The following CA10 variants were observed in gnomAD, a reference collection of about 807,000 sequenced individuals.
The protein encoded by CA10 is carbonic anhydrase 10 (inactive), also known as carbonic anhydrase-related protein 10.
CA10 carries 14 observed loss-of-function variants against 44.2 expected under a neutral mutation model. The observed-to-expected ratio is 0.32, with a 90% confidence interval of 0.21 to 0.50. The LOEUF (loss-of-function observed/expected upper bound fraction) is 0.50, where lower values mean the gene tolerates loss of function less well. CA10 is among the 20% of genes least tolerant of loss of function. CA10 has a pLI of 0.99. For missense variants in CA10, 350 were observed against 409.7 expected (o/e 0.85, Z 1.26); for synonymous variants, 159 against 141.6 (o/e 1.12, Z -0.87).
At chr17:52,003,992 G>A (rs1295564346) in intron 2 of CA10, among the ~76,000 whole-genome samples, 1 of 151,026 alleles carries the variant, frequency 6.6e-6, no homozygotes, top group Non-Finnish European at 1.5e-5. Flanking sequence ...TCTCTTATGA[G>A]GACAACCACC....
chr17:52,112,391 C>T (rs779622089), intron 1 of CA10, among the ~76,000 whole-genome samples: 5 of 152,142 alleles, frequency 3.3e-5, no homozygotes, highest in Non-Finnish European at 7.3e-5. Context: ...ACAACACAGC[C>T]ATGCCCATTC....
intron 2 of CA10, among the ~76,000 whole-genome samples, chr17:52,070,138 G>T (rs1987640937): frequency 6.6e-6 from 1 of 152,104 alleles, no homozygotes; most frequent in African/African-American, 2.4e-5. Context: ...TTAGAAAGTG[G>T]AATCATCAGA....
intron 1 of CA10, among the ~76,000 whole-genome samples, chr17:52,125,617 C>T (rs111556984): frequency 9.9e-4 from 150 of 152,238 alleles, no homozygotes; most frequent in Non-Finnish European, 1.9e-3. Flanking sequence ...AATCATTCTT[C>T]GGTCTCTTGA....
intron 2 of CA10, among the ~76,000 whole-genome samples, chr17:52,048,237 T>C (rs991939806): frequency 3.3e-5 from 5 of 151,912 alleles, no homozygotes; most frequent in Admixed American, 3.3e-4. Context: ...AATAAATCAC[T>C]CCAAGATACA....
Position 51,715,422 on chromosome 17 carries a change from A to G in CA10, c.465+32211T>C, listed in dbSNP as rs949422358. Among the ~76,000 whole-genome samples the G allele has an allele frequency of 5.3e-5, 8 of 152,084 alleles. No homozygotes were observed. The South Asian group carries it at 1.7e-3, about 32-fold the overall frequency. On this transcript the variant is annotated intron_variant, in intron 4 of 8. Coordinates refer to ENST00000451037, the MANE Select transcript of CA10 (RefSeq NM_020178.5). ...GAGAAGCTTCCAAGTAATTAAAAAA[A>G]TTTTTCCTTTTTAAAAATTTTTGTG... is the stretch of plus-strand genomic sequence containing the variant.
intron 2 of CA10, among the ~76,000 whole-genome samples, chr17:51,967,166 A>T (rs912547104): frequency 2.0e-5 from 3 of 151,714 alleles, no homozygotes; most frequent in Admixed American, 2.0e-4. Flanking sequence ...CAGAATGGCT[A>T]CTATTAAAAA....
chr17:51,935,451 C>T (rs1189006349), intron 2 of CA10, among the ~76,000 whole-genome samples: 1 of 152,124 alleles, frequency 6.6e-6, no homozygotes, highest in African/African-American at 2.4e-5. Context: ...TGTTTGAATT[C>T]CATCATCCTT....
At chr17:51,808,222 G>T (rs566196538) in intron 3 of CA10, among the ~76,000 whole-genome samples, 2 of 152,136 alleles carry the variant, frequency 1.3e-5, no homozygotes, top group Non-Finnish European at 2.9e-5. Flanking sequence ...TTCTTAGAGA[G>T]TTTATAAATG....
In CA10 at chr17:51,719,164, T is replaced by C. The variant is rs190543864; in HGVS notation, c.465+28469A>G. Among the ~76,000 whole-genome samples the C allele has an allele frequency of 2.6e-5, 4 of 152,316 alleles. No individual in the cohort carries two copies. The East Asian group carries it at 7.7e-4, about 29-fold the overall frequency. ...AGTACTGGAAAAAGTCCAGGATAAA[T>C]GGGCTTTGAATAAAATAAATGCCAC... is the stretch of plus-strand genomic sequence containing the variant. On this transcript the variant is annotated intron_variant, in intron 4 of 8. Coordinates refer to ENST00000451037, the MANE Select transcript of CA10 (RefSeq NM_020178.5).
chr17:51,673,856 A>G (rs1914517225), intron 4 of CA10, among the ~76,000 whole-genome samples: 1 of 151,976 alleles, frequency 6.6e-6, no homozygotes, highest in Admixed American at 6.6e-5. Context: ...CAGCTTCACC[A>G]TTCACCTCCC....
intron 4 of CA10, among the ~76,000 whole-genome samples, chr17:51,715,819 A>G (rs888574545): frequency 1.3e-5 from 2 of 151,992 alleles, no homozygotes; most frequent in Non-Finnish European, 2.9e-5. Flanking sequence ...GCCTCTGAGT[A>G]GCTGGGATTA....
intron 4 of CA10, among the ~76,000 whole-genome samples, chr17:51,707,977 T>C (rs1013810075): frequency 6.6e-6 from 1 of 152,064 alleles, no homozygotes; most frequent in African/African-American, 2.4e-5. Flanking sequence ...ATGGAGACAC[T>C]TAAAGCAGGA....
In CA10 at chr17:52,148,924, G is replaced by GA. The variant is rs891760821; in HGVS notation, c.61+8801dup. The stretch of plus-strand genomic sequence containing the variant: ...AATTAACAAATACATTTAACACTGG[G>GA]AAAAAAATCTTCCATATATATTACT... On this transcript the variant is annotated intron_variant, in intron 1 of 8. Transcript: ENST00000451037. Among the ~76,000 whole-genome samples, 9 of 152,102 alleles carry GA rather than the reference G, an allele frequency of 5.9e-5. No homozygotes were observed. In the East Asian group the frequency reaches 9.7e-4, roughly 16 times the overall value.
chr17:52,147,018 T>C (rs1989603616), intron 1 of CA10, among the ~76,000 whole-genome samples: 1 of 152,198 alleles, frequency 6.6e-6, no homozygotes, highest in East Asian at 1.9e-4. Context: ...TAAGCCTCCA[T>C]TGTGTTATGT....
intron 1 of CA10, among the ~76,000 whole-genome samples, chr17:52,088,222 C>T (rs546954144): frequency 2.2e-4 from 33 of 151,934 alleles, no homozygotes; most frequent in African/African-American, 7.7e-4. Context: ...TACCCTTGAA[C>T]TTAAAAAAAG....
chr17:51,933,983 C>G (rs896642399), intron 2 of CA10, among the ~76,000 whole-genome samples: 2 of 152,014 alleles, frequency 1.3e-5, no homozygotes, highest in Admixed American at 1.3e-4. Flanking sequence ...TTCTTTATGA[C>G]GAACAGTTTC....
intron 4 of CA10, among the ~76,000 whole-genome samples, chr17:51,709,753 A>C (rs1325288549): frequency 6.6e-6 from 1 of 152,148 alleles, no homozygotes; most frequent in Non-Finnish European, 1.5e-5. Context: ...GTAAGAAACA[A>C]ATTTGGGGAG....
At chr17:51,911,281 ACT>A (rs558155530) in intron 3 of CA10, among the ~76,000 whole-genome samples, 2 of 152,120 alleles carry the variant, frequency 1.3e-5, no homozygotes, top group Non-Finnish European at 2.9e-5. Flanking sequence ...GTTTTATACC[ACT>A]GAGATTTTTG....
intron 3 of CA10, among the ~76,000 whole-genome samples, chr17:51,795,839 A>T (rs1033901639): frequency 3.3e-5 from 5 of 152,244 alleles, no homozygotes; most frequent in Non-Finnish European, 7.3e-5. Flanking sequence ...AATAGGTGTG[A>T]GTGTCCACAT....
Sources: allele counts gnomAD v4.1 joint callset (sites outside exome capture counted in the v4.1 genomes callset), GRCh38; gene constraint gnomAD v4.1.1; transcripts MANE v1.5; gene names NCBI Gene and HGNC (gene_info 2026-07-23, HGNC 2026-07-21).